BMP7: variants seen among roughly 807,000 people sequenced by gnomAD.
The protein encoded by BMP7 is osteogenic protein 1.
A neutral mutation model predicts 41.2 loss-of-function variants in BMP7; 12 were observed. That is an observed-to-expected ratio of 0.29 (90% CI 0.19 to 0.47). The LOEUF (loss-of-function observed/expected upper bound fraction) is 0.47. Among genes scored for constraint, BMP7 ranks in the 20% least tolerant of loss-of-function variants. The pLI is 0.99. For synonymous variants in BMP7, 248 were observed against 250.0 expected, an observed-to-expected ratio of 0.99 and a Z score of 0.07; for missense variants, 467 against 606.0, an observed-to-expected ratio of 0.77 and a Z score of 2.41.
rs202148728 is a variant in BMP7 at position 57,212,357 on chromosome 20, G to T, written c.612-9734C>A. On this transcript the variant is annotated intron_variant, in intron 2 of 6. Transcript: ENST00000395863. ...AGGGCACAGGTGCACGATGTCCCCT[G>T]CAGGGCCTCTGGCCGCGGGAGGTCA... 1.6e-4 allele frequency among the ~76,000 whole-genome samples: 24 copies of T among 152,380 alleles called. 1 individual carries two copies. In the East Asian group the frequency reaches 4.0e-3, roughly 26 times the overall value.
At position 57,183,837 on chromosome 20, in the gene BMP7, G is replaced by A; in HGVS notation, c.843C>T (p.Phe281=). ...QNKQPFMVAF[F]KATEVHFRSI... is the part of the protein sequence containing the mutation. ...TGCGGAAGTGGACCTCCGTGGCCTT[G>A]AAGAAAGCCACCATGAAGGGCTGCT... The change falls in exon 4 of 7, where the codon TTC becomes TTT. Residue 281 remains phenylalanine (F), a synonymous_variant. Coordinates refer to ENST00000395863, the MANE Select transcript of BMP7 (RefSeq NM_001719.3). 6.2e-7 allele frequency: 1 copy of A among 1,614,178 alleles called. No individual in the cohort carries two copies.
intron 3 of BMP7, 65 bp from the exon 4 acceptor site, chr20:57,183,984 T>G: frequency 2.6e-6 from 4 of 1,557,656 alleles, no homozygotes; most frequent in Non-Finnish European, 3.5e-6. Context: ...GGGACAGGGC[T>G]GCAGAGATGC....
At position 57,182,038 on chromosome 20, in the gene BMP7, A is replaced by G. The variant is rs73287954; in HGVS notation, c.958+1684T>C. ...CAGAGAAACGGCACCCCCGGGCAGC[A>G]GCTCCCCTGGCCGGCGGGATGGGAT... On this transcript the variant is annotated intron_variant, in intron 4 of 6. Transcript: ENST00000395863. Among the ~76,000 whole-genome samples the G allele has an allele frequency of 7.0e-3, 1,063 of 152,286 alleles. 13 individuals carry two copies. The highest frequency in any genetic ancestry group is 0.024 in the African/African-American group (978 of 41,572).
At chr20:57,251,450 T>G (rs2066113253) in intron 1 of BMP7, among the ~76,000 whole-genome samples, 1 of 152,210 alleles carries the variant, frequency 6.6e-6, no homozygotes, top group African/African-American at 2.4e-5. Flanking sequence ...AAAGCCTCCC[T>G]GTGTTCGACA....
intron 4 of BMP7, among the ~76,000 whole-genome samples, chr20:57,182,107 C>G (rs1188699042): frequency 6.6e-6 from 1 of 152,206 alleles, no homozygotes; most frequent in African/African-American, 2.4e-5. Context: ...TGGGAGGTGT[C>G]ACCCCTCCAG....
intron 4 of BMP7, among the ~76,000 whole-genome samples, chr20:57,182,973 G>A (rs1344301194): frequency 3.9e-5 from 6 of 152,164 alleles, no homozygotes; most frequent in Non-Finnish European, 5.9e-5. Context: ...AGTGGCTCAC[G>A]CCTGTAATCC....
intron 6 of BMP7, chr20:57,172,901 C>G (rs531621961): frequency 1.7e-6 from 1 of 596,774 alleles, no homozygotes; most frequent in Non-Finnish European, 3.0e-6. Flanking sequence ...TCTTAGGCAC[C>G]GTAACCAGCA....
chr20:57,243,184 A>T (rs2066076625), intron 1 of BMP7, among the ~76,000 whole-genome samples: 1 of 151,854 alleles, frequency 6.6e-6, no homozygotes, highest in South Asian at 2.1e-4. Context: ...GAGATGTAGG[A>T]GAAAGTTTTT....
intron 2 of BMP7, among the ~76,000 whole-genome samples, chr20:57,210,565 A>C (rs1984855574): frequency 6.6e-6 from 1 of 152,228 alleles, no homozygotes; most frequent in South Asian, 2.1e-4. Context: ...GCCTCAGCGC[A>C]AACACAGATC....
chr20:57,200,048 G>A (rs576721557), intron 3 of BMP7, among the ~76,000 whole-genome samples: 25 of 152,224 alleles, frequency 1.6e-4, no homozygotes, highest in Non-Finnish European at 2.6e-4. Flanking sequence ...GAGCCCCGGC[G>A]GGTTCTCAGG....
chr20:57,221,516 T>C (rs1985189509), intron 2 of BMP7, among the ~76,000 whole-genome samples: 1 of 152,004 alleles, frequency 6.6e-6, no homozygotes, highest in African/African-American at 2.4e-5. Context: ...TCCTTGTCTG[T>C]GAAAGAGGGT....
At chr20:57,243,166 T>C (rs952111932) in intron 1 of BMP7, among the ~76,000 whole-genome samples, 2 of 152,072 alleles carry the variant, frequency 1.3e-5, no homozygotes, top group Non-Finnish European at 2.9e-5. Context: ...TCCCCGACTA[T>C]GTTCTCAGAG....
chr20:57,210,507 C>G (rs369706324), intron 2 of BMP7, among the ~76,000 whole-genome samples: 1 of 152,216 alleles, frequency 6.6e-6, no homozygotes. Context: ...CTTCACCCAC[C>G]ACCCGCCTCC....
At chr20:57,236,986 C>T (rs2066050329) in intron 1 of BMP7, among the ~76,000 whole-genome samples, 1 of 152,182 alleles carries the variant, frequency 6.6e-6, no homozygotes. Flanking sequence ...TTTGGTTAAC[C>T]TTCCAGACTA....
intron 4 of BMP7, among the ~76,000 whole-genome samples, chr20:57,178,212 G>A (rs6127966): frequency 0.35 from 53,031 of 152,122 alleles, 10,039 homozygotes; most frequent in South Asian, 0.57. Flanking sequence ...TGAGCAGTGG[G>A]GACGAGGCGC....
intron 2 of BMP7, among the ~76,000 whole-genome samples, chr20:57,209,249 T>TTTTATATATA (rs1407204884): frequency 4.3e-4 from 41 of 94,866 alleles, no homozygotes; most frequent in African/African-American, 1.2e-3. Context: ...TTATATATTT[T>TTTTATATATA]TATATATATA....
chr20:57,207,013 C>G (rs2123094756), intron 2 of BMP7, among the ~76,000 whole-genome samples: 1 of 152,324 alleles, frequency 6.6e-6, no homozygotes, highest in Middle Eastern at 3.4e-3. Context: ...CCAACAATTC[C>G]TTGTCTCTGT....
chr20:57,256,720 T>TA (rs981147642), intron 1 of BMP7, among the ~76,000 whole-genome samples: 220 of 150,550 alleles, frequency 1.5e-3, no homozygotes, highest in African/African-American at 5.0e-3. Flanking sequence ...AAATAAAAAA[T>TA]AAAAAAAAAT....
At chr20:57,176,392 G>A (rs573355829) in intron 4 of BMP7, among the ~76,000 whole-genome samples, 1 of 152,298 alleles carries the variant, frequency 6.6e-6, no homozygotes, top group Non-Finnish European at 1.5e-5. Flanking sequence ...TTTGACTTGG[G>A]TTTCTGATGT....
Sources: gnomAD v4.1 joint callset for allele counts (sites outside exome capture counted in the v4.1 genomes callset) on GRCh38, gnomAD v4.1.1 for gene constraint, MANE v1.5 for transcripts, NCBI Gene and HGNC (gene_info 2026-07-23, HGNC 2026-07-21) for gene names.